TMPRSS11E: variants seen among roughly 807,000 people sequenced by gnomAD.
The protein encoded by TMPRSS11E is transmembrane protease serine 11E.
TMPRSS11E carries 38 observed loss-of-function variants against 48.1 expected under a neutral mutation model. The ratio of observed to expected loss-of-function variants is 0.79; its 90% CI spans 0.61 to 1.04. The LOEUF is 1.04. Ranked by LOEUF, TMPRSS11E falls within the 50% of genes least tolerant of loss-of-function variation. TMPRSS11E has a pLI of 0.00. For synonymous variants in TMPRSS11E, 158 were observed against 171.9 expected (o/e 0.92, Z 0.63); for missense variants, 530 against 510.8 (o/e 1.04, Z -0.36).
intron 9 of TMPRSS11E, among the ~76,000 whole-genome samples, chr4:68,483,124 C>T (rs1729454687): frequency 6.6e-6 from 1 of 152,162 alleles, no homozygotes; most frequent in African/African-American, 2.4e-5. Context: ...TGGCTCATGG[C>T]TTTTCAGACT....
chr4:68,447,992 G>A (rs1488385775), intron 1 of TMPRSS11E, among the ~76,000 whole-genome samples: 5 of 151,892 alleles, frequency 3.3e-5, no homozygotes, highest in Admixed American at 2.0e-4. Flanking sequence ...GAAAGAATCA[G>A]AAACAACTGA....
At chr4:68,496,103 T>G (rs948505642) in intron 9 of TMPRSS11E, among the ~76,000 whole-genome samples, 1 of 152,158 alleles carries the variant, frequency 6.6e-6, no homozygotes, top group Non-Finnish European at 1.5e-5. Context: ...TTACATCATC[T>G]TCATAGCACT....
chr4:68,461,889 T>C lies in TMPRSS11E; in HGVS notation c.80T>C (p.Ile27Thr). The change falls in exon 2 of 10, where the codon ATA becomes ACA. Residue 27 changes from isoleucine to threonine, a missense_variant. Ile to Thr is a moderately conservative substitution (Grantham distance 89). Coordinates refer to ENST00000305363, the MANE Select transcript of TMPRSS11E (RefSeq NM_014058.4). ...EPWVIGLVIFISLIVLAVCIG... is the reference protein window; with the variant it reads ...EPWVIGLVIFTSLIVLAVCIG... The stretch of plus-strand genomic sequence containing the variant: ...TGGGTTATCGGCCTCGTCATCTTCA[T>C]ATCCCTGATTGTCCTGGCAGTGTGC... 6.2e-7 allele frequency: 1 copy of C among 1,614,228 alleles called. No individual in the cohort carries two copies.
chr4:68,454,462 A>G (rs1321623031), intron 1 of TMPRSS11E, among the ~76,000 whole-genome samples: 1 of 151,976 alleles, frequency 6.6e-6, no homozygotes, highest in Non-Finnish European at 1.5e-5. Context: ...CAAGGTGAGT[A>G]TATAATAAAA....
At chr4:68,495,547 A>T (rs1462049991) in intron 9 of TMPRSS11E, among the ~76,000 whole-genome samples, 1 of 152,124 alleles carries the variant, frequency 6.6e-6, no homozygotes, top group African/African-American at 2.4e-5. Context: ...CCTACATACG[A>T]GGGTATCAGT....
chr4:68,496,915 G>A lies in TMPRSS11E; in HGVS notation c.*111G>A. On this transcript the variant is annotated 3_prime_UTR_variant, in exon 10 of 10. Coordinates refer to ENST00000305363, the MANE Select transcript of TMPRSS11E (RefSeq NM_014058.4). ...ACTTGCAAAACAGCTAGATTTGACT[G>A]ATCTCAATAAACTGTTTGCTTGATG... is the stretch of plus-strand genomic sequence containing the variant. 9.1e-7 allele frequency: 1 copy of A among 1,098,992 alleles called. No homozygotes were observed. Among genetic ancestry groups the A allele is most frequent in the Non-Finnish European group, 1.3e-6 (1 of 754,458 alleles). 68.1% of individuals were successfully genotyped at this position (1,098,992 alleles called of 1,614,324 possible). A position where few individuals can be genotyped will look rare whatever the true frequency, so the allele number is the denominator to read the frequency against.
chr4:68,461,800 T>A, intron 1 of TMPRSS11E, 21 bp from the exon 2 acceptor site: 1 of 1,613,998 alleles, frequency 6.2e-7, no homozygotes, highest in Non-Finnish European at 8.5e-7. Context: ...AAATAATCTA[T>A]CTATTTATTT....
intron 9 of TMPRSS11E, among the ~76,000 whole-genome samples, chr4:68,491,390 CT>C (rs1729718704): frequency 6.8e-6 from 1 of 147,772 alleles, no homozygotes. Flanking sequence ...GTCGTCTTCT[CT>C]CTAATTTTCA....
chr4:68,496,729 G>C lies in TMPRSS11E; in HGVS notation c.1197G>C (p.Ala399=). The change falls in exon 10 of 10, where the codon GCG becomes GCC. Residue 399 remains alanine, a synonymous_variant. Coordinates refer to ENST00000305363, the MANE Select transcript of TMPRSS11E (RefSeq NM_014058.4). ...AGIVSWGDEC[A]KPNKPGVYTR... ...TAGTGAGCTGGGGAGATGAATGTGC[G>C]AAACCCAACAAGCCTGGTGTTTATA... The C allele has an allele frequency of 6.2e-7, 1 of 1,613,684 alleles. No individual in the cohort carries two copies. The highest frequency in any genetic ancestry group is 8.5e-7 in the Non-Finnish European group (1 of 1,179,720).
chr4:68,464,617 A>G (rs1728879087), intron 2 of TMPRSS11E, among the ~76,000 whole-genome samples: 1 of 152,204 alleles, frequency 6.6e-6, no homozygotes, highest in Non-Finnish European at 1.5e-5. Flanking sequence ...TTAAGTCTAC[A>G]GGGTAAAGTA....
chr4:68,447,697 G>A (rs1728378798), intron 1 of TMPRSS11E, among the ~76,000 whole-genome samples, 174 bp downstream of exon 1: 1 of 151,760 alleles, frequency 6.6e-6, no homozygotes, highest in African/African-American at 2.4e-5. Flanking sequence ...TATTCTTTCT[G>A]TATTAGTGTT....
chr4:68,450,085 C>T (rs1008556415), intron 1 of TMPRSS11E, among the ~76,000 whole-genome samples: 2 of 150,856 alleles, frequency 1.3e-5, no homozygotes, highest in Non-Finnish European at 2.9e-5. Context: ...TGACATTAGT[C>T]AGTATGGATA....
At chr4:68,464,238 CA>C (rs1728869786) in intron 2 of TMPRSS11E, among the ~76,000 whole-genome samples, 1 of 152,092 alleles carries the variant, frequency 6.6e-6, no homozygotes. Flanking sequence ...CCAAAATAAC[CA>C]AATCAAACCA....
chr4:68,469,583 G>A lies in TMPRSS11E; in HGVS notation c.326+637G>A, dbSNP rs773385225. ...CTATTACTTAGCTGATATCTCTAAG[G>A]CATTACTTTGATCACTGTCTTCTAA... On this transcript the variant is annotated intron_variant, in intron 4 of 9. Transcript: ENST00000305363. Among the ~76,000 whole-genome samples the A allele has an allele frequency of 6.6e-4, 101 of 151,896 alleles. 1 individual carries two copies. Among genetic ancestry groups the A allele is most frequent in the Non-Finnish European group, 7.1e-4 (48 of 67,860 alleles).
In TMPRSS11E at chr4:68,477,574, T is replaced by A; in HGVS notation, c.913T>A (p.Phe305Ile). The A allele has an allele frequency of 6.2e-7, 1 of 1,613,986 alleles. No homozygotes were observed. Among genetic ancestry groups the A allele is most frequent in the Non-Finnish European group, 8.5e-7 (1 of 1,179,948 alleles). Residue 305 changes from phenylalanine (F) to isoleucine (I), a missense_variant, in exon 8 of 10, where the codon TTT (phenylalanine) becomes ATT (isoleucine). Transcript: ENST00000305363. ...TTGTCTCCCTGATGCATCCTATGAG[T>A]TTCAACCAGGTGATGTGATGTTTGT... Reference protein sequence around the residue: ...RVCLPDASYEFQPGDVMFVTG... With the variant: ...RVCLPDASYEIQPGDVMFVTG...
chr4:68,469,804 A>C (rs1578137608), intron 4 of TMPRSS11E, among the ~76,000 whole-genome samples: 1 of 152,098 alleles, frequency 6.6e-6, no homozygotes, highest in South Asian at 2.1e-4. Context: ...CCCATGTGGA[A>C]GTTCCACAGA....
At chr4:68,479,103 C>A in intron 9 of TMPRSS11E, 112 bp downstream of exon 9, 3 of 1,264,076 alleles carry the variant, frequency 2.4e-6, no homozygotes, top group South Asian at 2.9e-5. Context: ...CACAACATCT[C>A]ACCCAGTTTT....
At chr4:68,487,805 CTAATGGGCGCCTG>C in intron 9 of TMPRSS11E, among the ~76,000 whole-genome samples, 1 of 151,684 alleles carries the variant, frequency 6.6e-6, no homozygotes, top group Non-Finnish European at 1.5e-5. Flanking sequence ...GCCAGGCATG[CTAATGGGCGCCTG>C]TAATCCCAGC....
At chr4:68,459,377 ATGT>A (rs1212477805) in intron 1 of TMPRSS11E, among the ~76,000 whole-genome samples, 21 of 152,000 alleles carry the variant, frequency 1.4e-4, no homozygotes, top group Non-Finnish European at 3.1e-4. Context: ...AAACGCCATA[ATGT>A]TGTTCTTAAA....
Sources: allele counts gnomAD v4.1 joint callset (sites outside exome capture counted in the v4.1 genomes callset), GRCh38; gene constraint gnomAD v4.1.1; transcripts MANE v1.5; gene names NCBI Gene and HGNC (gene_info 2026-07-23, HGNC 2026-07-21).